BRINP2: variants seen among roughly 807,000 people sequenced by gnomAD.
BRINP2 encodes the protein BMP/retinoic acid inducible neural specific 2, also known as BMP/retinoic acid-inducible neural-specific protein 2.
A neutral mutation model predicts 69.2 loss-of-function variants in BRINP2; 21 were observed. The ratio of observed to expected loss-of-function variants is 0.30; its 90% CI spans 0.22 to 0.44. The LOEUF is 0.44. Among genes scored for constraint, BRINP2 ranks in the 20% least tolerant of loss-of-function variants. BRINP2 has a pLI of 1.00. For missense variants in BRINP2, 877 were observed against 986.0 expected, an observed-to-expected ratio of 0.89 and a Z score of 1.48; for synonymous variants, 380 against 394.1, an observed-to-expected ratio of 0.96 and a Z score of 0.42.
intron 7 of BRINP2, 29 bp downstream of exon 7, chr1:177,278,814 A>G: frequency 1.2e-6 from 2 of 1,601,856 alleles, no homozygotes; most frequent in South Asian, 2.2e-5. Context: ...CTACAGCCAG[A>G]GCTCAGCACC....
At chr1:177,277,149 AG>A (rs760801835) in intron 6 of BRINP2, among the ~76,000 whole-genome samples, 318 of 148,556 alleles carry the variant, frequency 2.1e-3, no homozygotes, top group Non-Finnish European at 3.6e-3. Flanking sequence ...CAAGACAAAA[AG>A]GTTACATTAT....
At chr1:177,241,844 G>A (rs973016611) in intron 2 of BRINP2, among the ~76,000 whole-genome samples, 2 of 152,212 alleles carry the variant, frequency 1.3e-5, no homozygotes, top group South Asian at 4.1e-4. Context: ...AGGACACAGG[G>A]TGACTCTTCT....
intron 2 of BRINP2, among the ~76,000 whole-genome samples, chr1:177,232,771 G>A (rs1286463954): frequency 1.4e-5 from 2 of 147,218 alleles, no homozygotes; most frequent in African/African-American, 2.5e-5. Flanking sequence ...TAATCCAGAA[G>A]AGTAGAAAGA....
Position 177,276,673 on chromosome 1 carries a change from A to G in BRINP2, c.1012+239A>G, listed in dbSNP as rs115721428. ...TAGGTGTGTTTTAAGGACTTAATAAACAAAGATAAACATAATTAAGGGCAC... is the reference window on the plus strand; with the variant it reads ...TAGGTGTGTTTTAAGGACTTAATAAGCAAAGATAAACATAATTAAGGGCAC... On this transcript the variant is annotated intron_variant, in intron 6 of 7. Transcript: ENST00000361539. Among the ~76,000 whole-genome samples, 1,121 of 152,348 alleles carry G rather than the reference A, an allele frequency of 7.4e-3. 15 individuals are homozygous for G. The highest frequency in any genetic ancestry group is 0.026 in the African/African-American group (1,082 of 41,572).
In BRINP2 at chr1:177,280,832, C is replaced by T; in HGVS notation, c.1656C>T (p.Leu552=). The T allele has an allele frequency of 6.2e-7, 1 of 1,614,016 alleles. No individual in the cohort carries two copies. Among genetic ancestry groups the T allele is most frequent in the Non-Finnish European group, 8.5e-7 (1 of 1,179,924 alleles). ...FDPSWRKRML[L]TLKSNKYKPG... is the part of the protein sequence containing the mutation. ...CTTCCTGGAGGAAGCGCATGCTGCTCACCCTGAAGAGCAACAAGTACAAGC... is the reference window on the plus strand; with the variant it reads ...CTTCCTGGAGGAAGCGCATGCTGCTTACCCTGAAGAGCAACAAGTACAAGC... The change falls in exon 8 of 8, where the codon CTC becomes CTT. Residue 552 remains leucine (L), a synonymous_variant. Coordinates refer to ENST00000361539, the MANE Select transcript of BRINP2 (RefSeq NM_021165.4).
In BRINP2 at chr1:177,278,407, TTGA is replaced by T. The variant is rs1193151331; in HGVS notation, c.1013-154_1013-152del. On this transcript the variant is annotated intron_variant, in intron 6 of 7. Transcript: ENST00000361539. ...TGTTAATTATTTCTCAATAAAGGTGTTGATTTTTTTAAAAAAGCACCCAGGGAA... is the reference window on the plus strand; with the variant it reads ...TGTTAATTATTTCTCAATAAAGGTGTTTTTTTTAAAAAAGCACCCAGGGAA... Among the ~76,000 whole-genome samples the T allele has an allele frequency of 6.0e-5, 9 of 148,762 alleles. No individual in the cohort carries two copies. In the East Asian group the frequency reaches 1.7e-3, roughly 29 times the overall value.
intron 2 of BRINP2, among the ~76,000 whole-genome samples, chr1:177,231,532 A>T (rs1649861339): frequency 6.6e-6 from 1 of 152,186 alleles, no homozygotes; most frequent in Non-Finnish European, 1.5e-5. Flanking sequence ...AAATTCCCAC[A>T]CTTGGGTGCA....
chr1:177,280,670 C>T lies in BRINP2; in HGVS notation c.1494C>T (p.Ser498=), dbSNP rs867083903. The change falls in exon 8 of 8, where the codon TCC becomes TCT. Residue 498 remains serine (S), a synonymous_variant. Coordinates refer to ENST00000361539, the MANE Select transcript of BRINP2 (RefSeq NM_021165.4). The part of the protein sequence containing the change: ...QGLCRPEVAE[S]LENFLGLETD... ...TGTGCCGGCCAGAGGTGGCCGAGTC[C>T]CTGGAAAACTTTCTTGGGCTGGAGA... 2 of 1,614,212 alleles carry T rather than the reference C, an allele frequency of 1.2e-6. No homozygotes were observed. Among genetic ancestry groups the T allele is most frequent in the Non-Finnish European group, 1.7e-6 (2 of 1,180,038 alleles).
intron 1 of BRINP2, among the ~76,000 whole-genome samples, chr1:177,224,586 C>A (rs935443384): frequency 6.6e-6 from 1 of 151,372 alleles, no homozygotes; most frequent in Non-Finnish European, 1.5e-5. Flanking sequence ...GTGGCAAAGG[C>A]TCCTTTTTTT....
At chr1:177,250,298 G>T (rs1263997664) in intron 2 of BRINP2, among the ~76,000 whole-genome samples, 1 of 149,828 alleles carries the variant, frequency 6.7e-6, no homozygotes, top group African/African-American at 2.4e-5. Flanking sequence ...TTTGGCAAAT[G>T]TAGCCACTTG....
intron 1 of BRINP2, among the ~76,000 whole-genome samples, chr1:177,212,337 A>C (rs1414036839): frequency 6.6e-6 from 1 of 152,090 alleles, no homozygotes; most frequent in Admixed American, 6.5e-5. Flanking sequence ...CAAGGTCAGG[A>C]GATCGAGACC....
At chr1:177,210,618 TTAAC>T (rs1649195483) in intron 1 of BRINP2, among the ~76,000 whole-genome samples, 1 of 152,100 alleles carries the variant, frequency 6.6e-6, no homozygotes, top group African/African-American at 2.4e-5. Flanking sequence ...GTGCAACTAA[TTAAC>T]TAAATTTTAA....
intron 1 of BRINP2, among the ~76,000 whole-genome samples, chr1:177,211,106 A>G (rs1221446820): frequency 6.6e-6 from 1 of 151,824 alleles, no homozygotes; most frequent in African/African-American, 2.4e-5. Context: ...TAAAGCTTTA[A>G]ATTATGAGGA....
intron 1 of BRINP2, among the ~76,000 whole-genome samples, chr1:177,189,701 G>C (rs373643232): frequency 3.9e-5 from 6 of 152,050 alleles, no homozygotes; most frequent in African/African-American, 1.2e-4. Context: ...TTAAACAGAG[G>C]CCTCCACATT....
intron 1 of BRINP2, among the ~76,000 whole-genome samples, chr1:177,210,842 T>TG (rs1047948347): frequency 2.0e-5 from 3 of 151,140 alleles, no homozygotes; most frequent in Admixed American, 2.0e-4. Context: ...AGACTCAGTG[T>TG]GAAAAAAAAA....
chr1:177,180,931 T>C (rs943929802), intron 1 of BRINP2, among the ~76,000 whole-genome samples: 15 of 152,210 alleles, frequency 9.9e-5, no homozygotes, highest in African/African-American at 3.6e-4. Context: ...TTCTCAGTAA[T>C]TGAAAATGCA....
At chr1:177,174,256 T>G (rs1316971291) in intron 1 of BRINP2, among the ~76,000 whole-genome samples, 1 of 152,228 alleles carries the variant, frequency 6.6e-6, no homozygotes, top group Non-Finnish European at 1.5e-5. Flanking sequence ...TCCATGGGCT[T>G]CTTCTAAGGA....
intron 4 of BRINP2, among the ~76,000 whole-genome samples, chr1:177,270,267 G>A (rs571257415): frequency 6.6e-6 from 1 of 152,264 alleles, no homozygotes; most frequent in South Asian, 2.1e-4. Context: ...AAACTTGAGT[G>A]GGCCTTTCTC....
chr1:177,269,144 G>T (rs1223521375), intron 4 of BRINP2, among the ~76,000 whole-genome samples: 1 of 152,208 alleles, frequency 6.6e-6, no homozygotes, highest in Non-Finnish European at 1.5e-5. Context: ...ACCAAAGGGA[G>T]AGTATACCTG....
Sources: gnomAD v4.1 joint callset for allele counts (sites outside exome capture counted in the v4.1 genomes callset) on GRCh38, gnomAD v4.1.1 for gene constraint, MANE v1.5 for transcripts, NCBI Gene and HGNC (gene_info 2026-07-23, HGNC 2026-07-21) for gene names.